ATP5MC2: variants seen among roughly 807,000 people sequenced by gnomAD.
The protein encoded by ATP5MC2 is ATP synthase F(0) complex subunit C2, mitochondrial.
In ATP5MC2, 11 loss-of-function variants were observed where a neutral mutation model predicts 13.5. The observed-to-expected ratio is 0.81, with a 90% CI of 0.51 to 1.35. ATP5MC2 has a LOEUF of 1.35. Among genes scored for constraint, ATP5MC2 ranks in the 40% most tolerant of loss-of-function variants. The probability of loss-of-function intolerance (pLI) is 0.00; values close to 1 mark genes in which losing one functional copy is unlikely to be tolerated. For synonymous variants in ATP5MC2, 64 were observed against 69.7 expected, an observed-to-expected ratio of 0.92 and a Z score of 0.41; for missense variants, 132 against 175.0, an observed-to-expected ratio of 0.75 and a Z score of 1.39.
At chr12:53,670,324 T>C in intron 2 of ATP5MC2, 1 of 352,674 alleles carries the variant, frequency 2.8e-6, no homozygotes, top group Non-Finnish European at 5.6e-6. Context: ...CATAGGGTTA[T>C]GTGCCAATAA....
At chr12:53,673,989 T>G (rs1245697494) in intron 1 of ATP5MC2, 1 of 153,418 alleles carries the variant, frequency 6.5e-6, no homozygotes, top group African/African-American at 2.4e-5. Flanking sequence ...TGAACTAGAA[T>G]TATCTGGGTG....
At chr12:53,678,024 G>C (rs2120428491), upstream of ATP5MC2, among the ~76,000 whole-genome samples, 1 of 152,288 alleles carries the variant, frequency 6.6e-6, no homozygotes, top group African/African-American at 2.4e-5. Flanking sequence ...CAATCCCAGA[G>C]GAGGATCAGA....
upstream of ATP5MC2, among the ~76,000 whole-genome samples, chr12:53,681,035 T>TC (rs1945337353): frequency 6.7e-6 from 1 of 149,954 alleles, no homozygotes. Flanking sequence ...GCCTCCCAAG[T>TC]AGCTGGGACT....
At chr12:53,666,664 G>A (rs1358823133) in intron 4 of ATP5MC2, among the ~76,000 whole-genome samples, 1 of 151,840 alleles carries the variant, frequency 6.6e-6, no homozygotes, top group Admixed American at 6.6e-5. Flanking sequence ...GGAGGCTGAG[G>A]CAAGAGAATT....
chr12:53,675,306 C>A (rs1945232004), intron 1 of ATP5MC2, among the ~76,000 whole-genome samples: 1 of 152,194 alleles, frequency 6.6e-6, no homozygotes. Context: ...ATGCTGGCCC[C>A]ACTAGCTTGG....
At chr12:53,668,345 G>C (rs962518629) in intron 4 of ATP5MC2, among the ~76,000 whole-genome samples, 9 of 150,740 alleles carry the variant, frequency 6.0e-5, no homozygotes, top group African/African-American at 2.0e-4. Flanking sequence ...CACCTAGGCT[G>C]GAGTACAGTG....
Position 53,672,597 on chromosome 12 carries a change from C to A in ATP5MC2, c.18G>T (p.Lys6Asn), listed in dbSNP as rs1177627516. The A allele has an allele frequency of 2.5e-6, 4 of 1,583,770 alleles. No homozygotes were observed. Among genetic ancestry groups the A allele is most frequent in the Non-Finnish European group, 3.4e-6 (4 of 1,164,632 alleles). Reference protein sequence around the residue: MFACSKFVSTPSLVKS... With the variant: MFACSNFVSTPSLVKS... Reference sequence around the variant, plus strand: ...TCACCAAGGAGGGAGTGGAGACAAACTTGGAGCAGGCGAACATTTTCAGGG... The same window carrying A: ...TCACCAAGGAGGGAGTGGAGACAAAATTGGAGCAGGCGAACATTTTCAGGG... The change falls in exon 2 of 5, where the codon AAG becomes AAT. Residue 6 changes from lysine to asparagine, a missense_variant. Coordinates refer to ENST00000394349, the MANE Select transcript of ATP5MC2 (RefSeq NM_005176.7).
intron 3 of ATP5MC2, 119 bp from the exon 4 acceptor site, chr12:53,669,460 G>A: frequency 4.9e-6 from 7 of 1,437,502 alleles, no homozygotes; most frequent in South Asian, 3.1e-5. Context: ...ATTGTTTAAC[G>A]CCCTAAAATG....
chr12:53,679,633 T>G (rs1463178426), upstream of ATP5MC2, among the ~76,000 whole-genome samples: 1 of 152,244 alleles, frequency 6.6e-6, no homozygotes, highest in Non-Finnish European at 1.5e-5. Flanking sequence ...CAGGCACTTT[T>G]CTGCAAGTTA....
chr12:53,673,916 C>G (rs1442035925), intron 1 of ATP5MC2: 1 of 154,360 alleles, frequency 6.5e-6, no homozygotes, highest in Non-Finnish European at 1.5e-5. Flanking sequence ...GAACTTACCT[C>G]AAACAGAAGG....
At chr12:53,665,472 AAAG>A in intron 4 of ATP5MC2, 44 bp from the exon 5 acceptor site, 1 of 1,447,284 alleles carries the variant, frequency 6.9e-7, no homozygotes. Context: ...TAGTTCACAC[AAAG>A]AAAAGGATAA....
upstream of ATP5MC2, chr12:53,676,088 G>A (rs776820821): frequency 3.1e-6 from 5 of 1,614,156 alleles, no homozygotes; most frequent in Admixed American, 1.7e-5. Context: ...GAGGGGCGGA[G>A]CAGCGGGAAG....
Position 53,665,249 on chromosome 12 carries a change from A to G in ATP5MC2, c.*65T>C. On this transcript the variant is annotated 3_prime_UTR_variant, in exon 5 of 5. Transcript: ENST00000394349. ...CGTTCCCCAGGCTGCCTGGGGAGGT[A>G]TAGGAAAAGGAACACACGGGGCCAA... 4.6e-6 allele frequency: 6 copies of G among 1,297,216 alleles called. No individual in the cohort carries two copies. The highest frequency in any genetic ancestry group is 6.5e-6 in the Non-Finnish European group (6 of 923,062). The allele number at this position is 1,297,216 out of a possible 1,614,324, so 80.4% of individuals were successfully genotyped here. A position where few individuals can be genotyped will look rare whatever the true frequency, so the allele number is the denominator to read the frequency against.
Position 53,669,937 on chromosome 12 carries a change from G to C in ATP5MC2, c.51C>G (p.Thr17=), listed in dbSNP as rs772188326. 1 of 1,613,976 alleles carries C rather than the reference G, an allele frequency of 6.2e-7. No homozygotes were observed. The highest frequency in any genetic ancestry group is 1.3e-5 in the African/African-American group (1 of 74,922). Residue 17 remains threonine (T), a synonymous_variant, in exon 3 of 5, where the codon ACC becomes ACG. Coordinates refer to ENST00000394349, the MANE Select transcript of ATP5MC2 (RefSeq NM_005176.7). The part of the protein sequence containing the change: ...FVSTPSLVKS[T]SQLLSRPLSA... Reference sequence around the variant, plus strand: ...ATAGCGGACGGCTCAGCAGCTGTGAGGTGCTCTTGACCTAGCAGGAATGAC... The same window carrying C: ...ATAGCGGACGGCTCAGCAGCTGTGACGTGCTCTTGACCTAGCAGGAATGAC...
At chr12:53,668,456 C>T (rs912983241) in intron 4 of ATP5MC2, among the ~76,000 whole-genome samples, 2 of 151,472 alleles carry the variant, frequency 1.3e-5, no homozygotes, top group African/African-American at 2.4e-5. Flanking sequence ...GGTGCACGCC[C>T]CCCTTACCCA....
At chr12:53,679,444 C>G (rs572116796), upstream of ATP5MC2, among the ~76,000 whole-genome samples, 1 of 152,158 alleles carries the variant, frequency 6.6e-6, no homozygotes, top group Non-Finnish European at 1.5e-5. Flanking sequence ...CAGCTGTCTT[C>G]GAGGCAGGAG....
upstream of ATP5MC2, chr12:53,676,513 C>T (rs968824565): frequency 1.9e-5 from 5 of 257,556 alleles, no homozygotes; most frequent in Non-Finnish European, 3.0e-5. Flanking sequence ...TCTGTCGCGC[C>T]GGGACTCTGG....
chr12:53,673,339 C>G (rs1945163070), intron 1 of ATP5MC2: 1 of 154,150 alleles, frequency 6.5e-6, no homozygotes, highest in African/African-American at 2.4e-5. Context: ...AACAAACAAA[C>G]AAACAAACAA....
chr12:53,671,167 G>A (rs556785105), intron 2 of ATP5MC2, among the ~76,000 whole-genome samples: 58 of 152,256 alleles, frequency 3.8e-4, no homozygotes, highest in African/African-American at 1.3e-3. Flanking sequence ...ACAGACACAT[G>A]GTGATTCATA....
Sources: allele counts gnomAD v4.1 joint callset (sites outside exome capture counted in the v4.1 genomes callset), GRCh38; gene constraint gnomAD v4.1.1; transcripts MANE v1.5; gene names NCBI Gene and HGNC (gene_info 2026-07-23, HGNC 2026-07-21).